SHISAL1: variants seen among roughly 807,000 people sequenced by gnomAD.
SHISAL1 encodes the protein protein shisa-like-1.
A neutral mutation model predicts 22.6 loss-of-function variants in SHISAL1; 9 were observed. The observed-to-expected ratio is 0.40, with a 90% CI of 0.24 to 0.70. SHISAL1 has a LOEUF of 0.70. SHISAL1 is among the 30% of genes least tolerant of loss of function. The pLI, the probability that SHISAL1 is intolerant of heterozygous loss-of-function variation, is 0.39. For synonymous variants in SHISAL1, 119 were observed against 115.4 expected (o/e 1.03, Z -0.20); for missense variants, 246 against 270.6 (o/e 0.91, Z 0.64).
the SHISAL1 span, among the ~76,000 whole-genome samples, chr22:44,323,124 C>T: frequency 2.0e-5 from 3 of 147,372 alleles, no homozygotes; most frequent in East Asian, 4.3e-4. Context: ...CCACCTCACC[C>T]ACCCGTTCAT....
At chr22:44,320,430 T>G in the SHISAL1 span, among the ~76,000 whole-genome samples, 3 of 152,074 alleles carry the variant, frequency 2.0e-5, no homozygotes, top group Admixed American at 2.0e-4. Flanking sequence ...AGGGAGGAGG[T>G]GCGAGGCCCT....
chr22:44,290,540 A>C (rs1390567217), intron 3 of SHISAL1, among the ~76,000 whole-genome samples: 4 of 151,624 alleles, frequency 2.6e-5, no homozygotes, highest in East Asian at 3.9e-4. Flanking sequence ...AAAAAAAAAA[A>C]AAAACAAAAA....
intron 4 of SHISAL1, among the ~76,000 whole-genome samples, chr22:44,256,355 C>A (rs1287372023): frequency 6.6e-6 from 1 of 152,218 alleles, no homozygotes; most frequent in African/African-American, 2.4e-5. Flanking sequence ...TCCCCTGGGT[C>A]TCCAGCTTGC....
rs532031870 is a variant in SHISAL1 at position 44,273,276 on chromosome 22, T to A, written c.599+12152A>T. 4.7e-4 allele frequency among the ~76,000 whole-genome samples: 72 copies of A among 152,278 alleles called. 2 individuals carry two copies. In the South Asian group the frequency reaches 0.014, roughly 30 times the overall value. On this transcript the variant is annotated intron_variant, in intron 4 of 4. Coordinates refer to ENST00000381176, the MANE Select transcript of SHISAL1 (RefSeq NM_001099294.2). ...GAAGAAAACCCTGATTTGTAGCACGTGCTGTCAATTTCCCGAGCGTAAATA... is the reference window on the plus strand; with the variant it reads ...GAAGAAAACCCTGATTTGTAGCACGAGCTGTCAATTTCCCGAGCGTAAATA...
rs1268112042 is a variant in SHISAL1, at chr22:44,285,472, A to T, written c.555T>A (p.Asp185Glu). 1 of 1,613,920 alleles carries T rather than the reference A, an allele frequency of 6.2e-7. No individual in the cohort carries two copies. The highest frequency in any genetic ancestry group is 8.5e-7 in the Non-Finnish European group (1 of 1,179,934). The change falls in exon 4 of 5, where the codon GAT becomes GAA. Residue 185 changes from aspartate (D) to glutamate (E), a missense_variant. Transcript: ENST00000381176. ...AGGTCATCAGCGGTGGGCTGTGAGC[A>T]TCTCCCCGCAATGTGTGCACGGCCT... is the stretch of plus-strand genomic sequence containing the variant. The part of the protein sequence containing the change: ...APQAVHTLRG[D>E]AHSPPLMTFQ...
chr22:44,329,094 C>A, the SHISAL1 span, among the ~76,000 whole-genome samples: 5 of 152,238 alleles, frequency 3.3e-5, no homozygotes, highest in African/African-American at 1.2e-4. Context: ...CTCCCCACTG[C>A]CTCATGACCT....
intron 4 of SHISAL1, among the ~76,000 whole-genome samples, chr22:44,261,344 A>C (rs2055123163): frequency 1.3e-5 from 2 of 151,072 alleles, no homozygotes; most frequent in African/African-American, 2.4e-5. Flanking sequence ...CACCTAGAAA[A>C]CTCCTACACA....
chr22:44,307,674 G>A (rs1569226980), intron 1 of SHISAL1, among the ~76,000 whole-genome samples: 3 of 152,316 alleles, frequency 2.0e-5, no homozygotes. Context: ...ATCTCTGCGG[G>A]CCACCCCTCC....
intron 4 of SHISAL1, among the ~76,000 whole-genome samples, chr22:44,256,578 C>G (rs973112440): frequency 6.6e-6 from 1 of 152,210 alleles, no homozygotes; most frequent in African/African-American, 2.4e-5. Flanking sequence ...TTAGTGATCC[C>G]TTTGGCCACC....
the SHISAL1 span, among the ~76,000 whole-genome samples, chr22:44,327,210 C>T: frequency 2.6e-5 from 4 of 151,598 alleles, no homozygotes; most frequent in African/African-American, 9.7e-5. Context: ...CCTGCCCACC[C>T]CCTTGAGGGC....
At chr22:44,256,781 A>T (rs1342007514) in intron 4 of SHISAL1, among the ~76,000 whole-genome samples, 2 of 152,190 alleles carry the variant, frequency 1.3e-5, no homozygotes, top group Admixed American at 1.3e-4. Context: ...TGAACTGAAC[A>T]AACAGAAGAA....
chr22:44,285,312 A>G (rs1287768182), intron 4 of SHISAL1, 116 bp downstream of exon 4: 2 of 1,149,218 alleles, frequency 1.7e-6, no homozygotes, highest in Non-Finnish European at 2.5e-6. Context: ...CAACAAGATA[A>G]GCAAACAATC....
At chr22:44,263,894 C>G (rs1262139058) in intron 4 of SHISAL1, among the ~76,000 whole-genome samples, 1 of 152,218 alleles carries the variant, frequency 6.6e-6, no homozygotes, top group Admixed American at 6.5e-5. Context: ...CTTTAAGCTA[C>G]TGCATTTGTG....
At chr22:44,262,106 G>A (rs1468158933) in intron 4 of SHISAL1, among the ~76,000 whole-genome samples, 4 of 152,258 alleles carry the variant, frequency 2.6e-5, no homozygotes, top group African/African-American at 7.2e-5. Flanking sequence ...TGTCAGCGGC[G>A]AGTGTCTGGC....
the SHISAL1 span, among the ~76,000 whole-genome samples, chr22:44,326,395 C>A: frequency 6.6e-6 from 1 of 152,180 alleles, no homozygotes; most frequent in Non-Finnish European, 1.5e-5. Context: ...CGCGGCAGAG[C>A]CGGCCATCCC....
At chr22:44,253,143 T>G (rs538602296) in intron 4 of SHISAL1, among the ~76,000 whole-genome samples, 1 of 152,302 alleles carries the variant, frequency 6.6e-6, no homozygotes, top group South Asian at 2.1e-4. Flanking sequence ...AAACGTTATG[T>G]GCATTTTACC....
intron 4 of SHISAL1, among the ~76,000 whole-genome samples, chr22:44,261,354 A>T (rs2055123282): frequency 6.6e-6 from 1 of 151,748 alleles, no homozygotes; most frequent in South Asian, 2.1e-4. Flanking sequence ...ACTCCTACAC[A>T]TCCTTCAAGA....
chr22:44,274,905 C>T (rs2055229331), intron 4 of SHISAL1, among the ~76,000 whole-genome samples: 2 of 152,150 alleles, frequency 1.3e-5, no homozygotes, highest in Admixed American at 1.3e-4. Flanking sequence ...CCAGTCCTAA[C>T]AATCGTCCCA....
At chr22:44,283,195 C>T (rs1345208825) in intron 4 of SHISAL1, among the ~76,000 whole-genome samples, 2 of 152,320 alleles carry the variant, frequency 1.3e-5, no homozygotes, top group African/African-American at 4.8e-5. Flanking sequence ...CTGCACCACA[C>T]CTTTGTGGGT....
Sources: allele counts gnomAD v4.1 joint callset (sites outside exome capture counted in the v4.1 genomes callset), GRCh38; gene constraint gnomAD v4.1.1; transcripts MANE v1.5; gene names NCBI Gene and HGNC (gene_info 2026-07-23, HGNC 2026-07-21).